The following SYNJ2BP variants were observed in gnomAD, a reference collection of about 807,000 sequenced individuals.
SYNJ2BP encodes synaptojanin-2-binding protein.
SYNJ2BP carries 10 observed loss-of-function variants against 16.9 expected under a neutral mutation model. That is an observed-to-expected ratio of 0.59 (90% CI 0.36 to 1.00). The LOEUF is 1.00. Ranked by LOEUF, SYNJ2BP falls within the 50% of genes least tolerant of loss-of-function variation. The pLI, the probability that SYNJ2BP is intolerant of heterozygous loss-of-function variation, is 0.01. For synonymous variants in SYNJ2BP, 54 were observed against 68.4 expected (o/e 0.79, Z 1.04); for missense variants, 162 against 186.7 (o/e 0.87, Z 0.77).
chr14:70,402,718 A>G (rs891519877), intron 1 of SYNJ2BP, among the ~76,000 whole-genome samples: 4 of 152,124 alleles, frequency 2.6e-5, no homozygotes, highest in African/African-American at 9.7e-5. Flanking sequence ...TAGGCCCTGG[A>G]AACTGCAAAT....
At chr14:70,414,481 T>C (rs1888559009) in intron 1 of SYNJ2BP, among the ~76,000 whole-genome samples, 1 of 152,202 alleles carries the variant, frequency 6.6e-6, no homozygotes, top group South Asian at 2.1e-4. Flanking sequence ...ATACTAACAC[T>C]AGGAAATTTA....
intron 1 of SYNJ2BP, among the ~76,000 whole-genome samples, chr14:70,401,398 C>A (rs555013304): frequency 6.4e-4 from 97 of 151,878 alleles, no homozygotes; most frequent in African/African-American, 2.2e-3. Flanking sequence ...GAGTTTGAGA[C>A]CAGCCTGGGC....
intron 2 of SYNJ2BP, 79 bp downstream of exon 2, chr14:70,388,391 A>T: frequency 7.2e-7 from 1 of 1,392,654 alleles, no homozygotes; most frequent in Admixed American, 2.9e-5. Flanking sequence ...AAATCTTTTC[A>T]AGGAAAAGGG....
At chr14:70,400,210 T>C (rs1196097130) in intron 1 of SYNJ2BP, among the ~76,000 whole-genome samples, 1 of 152,226 alleles carries the variant, frequency 6.6e-6, no homozygotes, top group Non-Finnish European at 1.5e-5. Context: ...CAATTGTCTG[T>C]GAATGCCAAA....
At position 70,409,543 on chromosome 14, in the gene SYNJ2BP, T is replaced by G. The variant is rs145650579; in HGVS notation, c.64+7357A>C. ...TCCCCAAAGTAATTCCTAGATATTT[T>G]ACTGTACAGTTTTTCTTTAGTATTG... On this transcript the variant is annotated intron_variant, in intron 1 of 3. Transcript: ENST00000256366. 7.9e-5 allele frequency among the ~76,000 whole-genome samples: 12 copies of G among 152,370 alleles called. No individual in the cohort carries two copies. In the East Asian group the frequency reaches 2.1e-3, roughly 27 times the overall value.
chr14:70,395,503 C>T lies in SYNJ2BP; in HGVS notation c.65-6897G>A, dbSNP rs189843741. Among the ~76,000 whole-genome samples, 37 of 152,046 alleles carry T rather than the reference C, an allele frequency of 2.4e-4. 1 individual carries two copies. The highest frequency in any genetic ancestry group is 8.9e-4 in the African/African-American group (37 of 41,460). On this transcript the variant is annotated intron_variant, in intron 1 of 3. Transcript: ENST00000256366. Reference sequence around the variant, plus strand: ...CCCCCCTGTCTGTCTTTTATGAAGACTAGAGTAACAAACACCCTATTTTCC... The same window carrying T: ...CCCCCCTGTCTGTCTTTTATGAAGATTAGAGTAACAAACACCCTATTTTCC...
At chr14:70,395,791 C>T (rs1888076870) in intron 1 of SYNJ2BP, among the ~76,000 whole-genome samples, 1 of 152,124 alleles carries the variant, frequency 6.6e-6, no homozygotes, top group African/African-American at 2.4e-5. Flanking sequence ...GCTCCTTATT[C>T]TCCCCTCCCC....
intron 1 of SYNJ2BP, among the ~76,000 whole-genome samples, chr14:70,400,009 A>G (rs1402999537): frequency 6.6e-6 from 1 of 152,212 alleles, no homozygotes; most frequent in Admixed American, 6.5e-5. Context: ...CAAAAAAGAG[A>G]AAAGTTTCCT....
chr14:70,380,597 G>A (rs907738163), intron 2 of SYNJ2BP, among the ~76,000 whole-genome samples: 6 of 151,832 alleles, frequency 4.0e-5, no homozygotes, highest in African/African-American at 9.7e-5. Context: ...AGGAGGCAGA[G>A]GTTGCAGTGA....
chr14:70,398,649 G>T lies in SYNJ2BP; in HGVS notation c.65-10043C>A, dbSNP rs185332349. Among the ~76,000 whole-genome samples, 309 of 152,302 alleles carry T rather than the reference G, an allele frequency of 2.0e-3. 1 individual carries two copies. The highest frequency in any genetic ancestry group is 6.8e-3 in the Middle Eastern group (2 of 294). On this transcript the variant is annotated intron_variant, in intron 1 of 3. Transcript: ENST00000256366. ...AAAAGACACCCCTGAGCCTGTGGGTGCAGGGGGAACCTTCCTGGGCCCCTG... is the reference window on the plus strand; with the variant it reads ...AAAAGACACCCCTGAGCCTGTGGGTTCAGGGGGAACCTTCCTGGGCCCCTG...
chr14:70,402,958 A>G (rs549308050), intron 1 of SYNJ2BP, among the ~76,000 whole-genome samples: 2 of 152,336 alleles, frequency 1.3e-5, no homozygotes, highest in South Asian at 4.1e-4. Context: ...TGGGAAAGAC[A>G]CTGGCTTAAA....
At position 70,372,057 on chromosome 14, in the gene SYNJ2BP, T is replaced by G. The variant is rs1188286497; in HGVS notation, c.*934A>C. 6.6e-6 allele frequency: 1 copy of G among 152,224 alleles called. No homozygotes were observed. Among genetic ancestry groups the G allele is most frequent in the Non-Finnish European group, 1.5e-5 (1 of 68,038 alleles). The allele number at this position is 152,224 out of a possible 1,614,324, so 9.4% of individuals were successfully genotyped here. ...CGCTGGATTATGGCAATTTACCTTA[T>G]AATAACTCACCATAGTTGGCTGTTA... On this transcript the variant is annotated 3_prime_UTR_variant, in exon 4 of 4. Transcript: ENST00000256366.
intron 1 of SYNJ2BP, among the ~76,000 whole-genome samples, chr14:70,401,555 C>T (rs1386525395): frequency 2.1e-5 from 3 of 142,124 alleles, no homozygotes; most frequent in Non-Finnish European, 4.5e-5. Flanking sequence ...CAATTGAGAC[C>T]CCTTTTTAAA....
chr14:70,387,983 A>G (rs1887897359), intron 2 of SYNJ2BP, among the ~76,000 whole-genome samples: 1 of 152,210 alleles, frequency 6.6e-6, no homozygotes, highest in South Asian at 2.1e-4. Context: ...ACTGCATTCC[A>G]AATTTTCATG....
intron 1 of SYNJ2BP, among the ~76,000 whole-genome samples, chr14:70,406,798 A>AC (rs1282517298): frequency 2.0e-5 from 3 of 151,682 alleles, no homozygotes; most frequent in East Asian, 1.9e-4. Context: ...CCACTTTCCA[A>AC]CCCCCCACCT....
intron 1 of SYNJ2BP, among the ~76,000 whole-genome samples, chr14:70,391,393 C>A (rs1451811622): frequency 6.6e-6 from 1 of 152,070 alleles, no homozygotes; most frequent in Non-Finnish European, 1.5e-5. Context: ...TCTTAGAGCA[C>A]CCTCAATTTG....
intron 1 of SYNJ2BP, among the ~76,000 whole-genome samples, chr14:70,395,930 C>A (rs1888081902): frequency 1.3e-5 from 2 of 152,180 alleles, no homozygotes; most frequent in South Asian, 4.1e-4. Flanking sequence ...ATAATGTCTT[C>A]AAGGTTCATT....
chr14:70,396,878 G>C (rs1476228586), intron 1 of SYNJ2BP, among the ~76,000 whole-genome samples: 4 of 152,068 alleles, frequency 2.6e-5, no homozygotes, highest in Non-Finnish European at 4.4e-5. Context: ...TATATATGCT[G>C]GATATTAACT....
At chr14:70,397,710 C>T (rs952289404) in intron 1 of SYNJ2BP, among the ~76,000 whole-genome samples, 1 of 152,230 alleles carries the variant, frequency 6.6e-6, no homozygotes, top group African/African-American at 2.4e-5. Flanking sequence ...GTCTCAGATA[C>T]ATGAAGGGTT....
Sources: gnomAD v4.1 joint callset for allele counts (sites outside exome capture counted in the v4.1 genomes callset) on GRCh38, gnomAD v4.1.1 for gene constraint, MANE v1.5 for transcripts, NCBI Gene and HGNC (gene_info 2026-07-23, HGNC 2026-07-21) for gene names.